CLOCK: variants seen among roughly 807,000 people sequenced by gnomAD.
CLOCK encodes the protein circadian locomoter output cycles protein kaput.
CLOCK carries 43 observed loss-of-function variants against 118.4 expected under a neutral mutation model. That is an observed-to-expected ratio of 0.36 (90% CI 0.28 to 0.47). CLOCK has a LOEUF of 0.47. CLOCK is among the 20% of genes least tolerant of loss of function. The pLI is 1.00. For synonymous variants in CLOCK, 326 were observed against 339.2 expected (o/e 0.96, Z 0.43); for missense variants, 846 against 999.9 (o/e 0.85, Z 2.08).
chr4:55,491,311 A>G (rs957507435), intron 2 of CLOCK, among the ~76,000 whole-genome samples: 1 of 151,014 alleles, frequency 6.6e-6, no homozygotes, highest in African/African-American at 2.4e-5. Flanking sequence ...GAAAAAGAAG[A>G]ACAAAGCCCA....
At chr4:55,500,821 A>C (rs1728384956) in intron 2 of CLOCK, among the ~76,000 whole-genome samples, 1 of 152,062 alleles carries the variant, frequency 6.6e-6, no homozygotes, top group Admixed American at 6.5e-5. Context: ...TTGTAAGCCG[A>C]TCGTTCTCCA....
intron 1 of CLOCK, among the ~76,000 whole-genome samples, chr4:55,541,393 C>T (rs1235182969): frequency 6.6e-6 from 1 of 152,070 alleles, no homozygotes; most frequent in Non-Finnish European, 1.5e-5. Context: ...TGGTGTAATG[C>T]CTACAAGGAA....
intron 8 of CLOCK, among the ~76,000 whole-genome samples, chr4:55,468,267 T>C (rs1041150194): frequency 2.6e-5 from 4 of 152,088 alleles, no homozygotes; most frequent in Non-Finnish European, 5.9e-5. Context: ...GAGAGAGGCA[T>C]TATAAGAGTA....
At chr4:55,501,794 C>T (rs1728463722) in intron 2 of CLOCK, 1 of 152,008 alleles carries the variant, frequency 6.6e-6, no homozygotes, top group African/African-American at 2.4e-5. Flanking sequence ...CCTATATATC[C>T]TTCACCCAGT....
At chr4:55,444,462 CT>C (rs1290101934) in intron 19 of CLOCK, among the ~76,000 whole-genome samples, 170 bp downstream of exon 19, 11 of 152,146 alleles carry the variant, frequency 7.2e-5, no homozygotes, top group Non-Finnish European at 1.0e-4. Context: ...AACAAATTAT[CT>C]TTAGAGACTG....
chr4:55,531,931 C>A (rs538101231), intron 1 of CLOCK, among the ~76,000 whole-genome samples: 23 of 148,408 alleles, frequency 1.5e-4, no homozygotes, highest in African/African-American at 4.4e-4. Flanking sequence ...ACAAAAAAAA[C>A]CCCAGCAAAC....
intron 18 of CLOCK, among the ~76,000 whole-genome samples, chr4:55,445,944 C>T (rs1257915517): frequency 5.3e-5 from 8 of 151,730 alleles, no homozygotes; most frequent in East Asian, 1.9e-4. Flanking sequence ...GGAGTTAATC[C>T]GTGTTACCAG....
At chr4:55,526,703 C>G (rs1477521160) in intron 1 of CLOCK, among the ~76,000 whole-genome samples, 1 of 151,944 alleles carries the variant, frequency 6.6e-6, no homozygotes, top group Non-Finnish European at 1.5e-5. Flanking sequence ...AATCCCAGCA[C>G]TTTGGGAGGT....
intron 9 of CLOCK, 124 bp from the exon 10 acceptor site, chr4:55,459,385 G>A (rs566378325): frequency 8.3e-5 from 57 of 684,996 alleles, no homozygotes; most frequent in Admixed American, 3.0e-4. Flanking sequence ...AACAGAAGTC[G>A]TCAATGACAT....
chr4:55,517,236 C>T (rs1729572501), intron 1 of CLOCK, among the ~76,000 whole-genome samples: 1 of 152,176 alleles, frequency 6.6e-6, no homozygotes, highest in South Asian at 2.1e-4. Context: ...TTTGGCCGGG[C>T]ACGGTGGCTC....
rs749055857 is a variant in CLOCK at position 55,479,633 on chromosome 4, A to C, written c.107+7T>G. On this transcript the variant is annotated splice_region_variant and intron_variant, in intron 5 of 22. Transcript: ENST00000513440. ...CATTTACTATTTTATATCTCTAATC[A>C]AACTACCTTTTCGCTTTGTCCTTGT... is the stretch of plus-strand genomic sequence containing the variant. The C allele has an allele frequency of 1.9e-6, 3 of 1,603,914 alleles. No homozygotes were observed. In the African/African-American group the frequency reaches 4.0e-5, roughly 21 times the overall value.
At chr4:55,463,562 G>A in intron 9 of CLOCK, 123 bp downstream of exon 9, 1 of 749,762 alleles carries the variant, frequency 1.3e-6, no homozygotes, top group African/African-American at 1.8e-5. Context: ...TATTGAAAAA[G>A]GACCTAATAG....
At chr4:55,538,330 A>T (rs1731041259) in intron 1 of CLOCK, among the ~76,000 whole-genome samples, 1 of 152,232 alleles carries the variant, frequency 6.6e-6, no homozygotes, top group Non-Finnish European at 1.5e-5. Context: ...TGATGCCGAT[A>T]TTGGAAAAGA....
Position 55,456,342 on chromosome 4 carries a change from TAAG to T in CLOCK, c.793-45_793-43del, listed in dbSNP as rs1284013260. 3 of 1,272,728 alleles carry T rather than the reference TAAG, an allele frequency of 2.4e-6. No homozygotes were observed. In the African/African-American group the frequency reaches 4.4e-5, roughly 19 times the overall value. 78.8% of individuals were successfully genotyped at this position (1,272,728 alleles called of 1,614,324 possible). On this transcript the variant is annotated intron_variant, in intron 11 of 22. Coordinates refer to ENST00000513440, the MANE Select transcript of CLOCK (RefSeq NM_004898.4). ...AAAATTTATAAATACTTTGTGTCCT[TAAG>T]AATATTAAATATTGCTACATATAAA...
chr4:55,485,998 G>A (rs1398460655), intron 3 of CLOCK, among the ~76,000 whole-genome samples: 2 of 152,164 alleles, frequency 1.3e-5, no homozygotes, highest in Non-Finnish European at 2.9e-5. Flanking sequence ...TGAGATCAGA[G>A]TCATCTGGTG....
In CLOCK at chr4:55,510,624, C is replaced by CTT. The variant is rs60167961; in HGVS notation, c.-289-561_-289-560dup. ...CCTGGGCGACAGAACAAGACTCTGT[C>CTT]TTTTTAAAAAAAAAAAAAAAAAAAA... On this transcript the variant is annotated intron_variant, in intron 1 of 22. Coordinates refer to ENST00000513440, the MANE Select transcript of CLOCK (RefSeq NM_004898.4). 1.2e-3 allele frequency among the ~76,000 whole-genome samples: 118 copies of CTT among 101,344 alleles called. 8 individuals are homozygous for CTT. The highest frequency in any genetic ancestry group is 2.0e-3 in the South Asian group (5 of 2,548). 66.5% of individuals were successfully genotyped at this position (101,344 alleles called of 152,430 possible).
intron 18 of CLOCK, among the ~76,000 whole-genome samples, chr4:55,447,406 T>C (rs1489652827): frequency 6.6e-6 from 1 of 152,202 alleles, no homozygotes; most frequent in Admixed American, 6.5e-5. Context: ...ACAAATGTTA[T>C]TTTATTATAA....
rs1560467042 is a variant in CLOCK at position 55,509,938 on chromosome 4, G to T, written c.-162C>A. The T allele has an allele frequency of 6.6e-6, 1 of 152,128 alleles. No individual in the cohort carries two copies. The highest frequency in any genetic ancestry group is 1.5e-5 in the Non-Finnish European group (1 of 68,036). The allele number at this position is 152,128 out of a possible 1,614,324, so 9.4% of individuals were successfully genotyped here. On this transcript the variant is annotated 5_prime_UTR_variant, in exon 2 of 23. Transcript: ENST00000513440. ...TTTGAGCTCAAAATGATGATTGAAG[G>T]TATCTAGTGAGACTTGCCAAGTTCT...
chr4:55,482,648 A>G, intron 4 of CLOCK, 91 bp downstream of exon 4: 2 of 814,182 alleles, frequency 2.5e-6, no homozygotes, highest in Non-Finnish European at 3.9e-6. Flanking sequence ...TAGGCATAAA[A>G]TTCCTTCTAT....
Sources: gnomAD v4.1 joint callset for allele counts (sites outside exome capture counted in the v4.1 genomes callset) on GRCh38, gnomAD v4.1.1 for gene constraint, MANE v1.5 for transcripts, NCBI Gene and HGNC (gene_info 2026-07-23, HGNC 2026-07-21) for gene names.